The following TCF7L2 variants were observed in gnomAD, a reference collection of about 807,000 sequenced individuals.
The protein encoded by TCF7L2 is transcription factor 7-like 2.
Under a neutral mutation model 77.9 loss-of-function variants are expected in TCF7L2, and 23 were observed. That is an observed-to-expected ratio of 0.30 (90% CI 0.21 to 0.42). TCF7L2 has a LOEUF of 0.42. TCF7L2 is among the 10% of genes least tolerant of loss of function. The pLI, the probability that TCF7L2 is intolerant of heterozygous loss-of-function variation, is 1.00. For missense variants in TCF7L2, 654 were observed against 793.1 expected, an observed-to-expected ratio of 0.82 and a Z score of 2.11; for synonymous variants, 413 against 340.2, an observed-to-expected ratio of 1.21 and a Z score of -2.36.
At chr10:112,957,793 G>A (rs1179516295) in intron 3 of TCF7L2, among the ~76,000 whole-genome samples, 1 of 152,142 alleles carries the variant, frequency 6.6e-6, no homozygotes, top group African/African-American at 2.4e-5. Context: ...TATCTGTGGT[G>A]GAGACTGGAG....
chr10:112,990,073 G>A (rs1469900028), intron 4 of TCF7L2, among the ~76,000 whole-genome samples: 2 of 152,044 alleles, frequency 1.3e-5, no homozygotes, highest in Admixed American at 6.6e-5. Context: ...CTGGTAGTAC[G>A]TTTCCCATTA....
At chr10:113,107,876 C>A (rs1258512091) in intron 5 of TCF7L2, among the ~76,000 whole-genome samples, 3 of 151,192 alleles carry the variant, frequency 2.0e-5, no homozygotes, top group Non-Finnish European at 2.9e-5. Context: ...ATTGGTCAAG[C>A]GTTGCTGGCA....
intron 4 of TCF7L2, among the ~76,000 whole-genome samples, chr10:113,033,384 A>C (rs983480038): frequency 6.6e-6 from 1 of 151,112 alleles, no homozygotes; most frequent in African/African-American, 2.4e-5. Flanking sequence ...TCAGCCTCCC[A>C]AGTAGCTGGG....
In TCF7L2 at chr10:113,097,646, GAAAAAAAAAAAAAA is replaced by G. The variant is rs869133669; in HGVS notation, c.553-43523_553-43510del. ...GTGACAGAGTAAGACTCTTGTCTCG[GAAAAAAAAAAAAAA>G]AAAAAAAAAAAAAACAACCATGAGA... On this transcript the variant is annotated intron_variant, in intron 5 of 13. Coordinates refer to ENST00000627217, the MANE Select transcript of TCF7L2 (RefSeq NM_001146274.2). Among the ~76,000 whole-genome samples the G allele has an allele frequency of 2.7e-4, 10 of 36,742 alleles. No homozygotes were observed. The South Asian group carries it at 5.3e-3, about 19-fold the overall frequency. The allele number at this position is 36,742 out of a possible 152,430, so 24.1% of individuals were successfully genotyped here.
At chr10:112,953,604 T>C (rs1464939980) in intron 3 of TCF7L2, among the ~76,000 whole-genome samples, 2 of 152,224 alleles carry the variant, frequency 1.3e-5, no homozygotes, top group Non-Finnish European at 2.9e-5. Flanking sequence ...GATGGCGGGC[T>C]TGCTAGCTTT....
intron 5 of TCF7L2, among the ~76,000 whole-genome samples, chr10:113,123,705 T>G (rs1291355937): frequency 6.6e-6 from 1 of 152,208 alleles, no homozygotes; most frequent in Non-Finnish European, 1.5e-5. Flanking sequence ...AATAATAATT[T>G]GACACAAGTC....
intron 5 of TCF7L2, among the ~76,000 whole-genome samples, chr10:113,042,602 G>A (rs776133620): frequency 1.7e-4 from 26 of 152,222 alleles, no homozygotes; most frequent in Admixed American, 9.8e-4. Flanking sequence ...CCTGACACCA[G>A]GGGTGAGAAG....
chr10:113,107,770 A>AAAAAAAC, intron 5 of TCF7L2, among the ~76,000 whole-genome samples: 1 of 151,104 alleles, frequency 6.6e-6, no homozygotes, highest in Non-Finnish European at 1.5e-5. Context: ...AAAAAAAAAA[A>AAAAAAAC]AAAAAACAAC....
intron 5 of TCF7L2, among the ~76,000 whole-genome samples, chr10:113,067,722 G>C (rs1176469085): frequency 6.6e-6 from 1 of 152,152 alleles, no homozygotes; most frequent in Non-Finnish European, 1.5e-5. Context: ...AACTTGCCAT[G>C]TGACCTTGAG....
At chr10:112,987,970 G>T (rs1334161723) in intron 4 of TCF7L2, 1 of 147,610 alleles carries the variant, frequency 6.8e-6, no homozygotes, top group East Asian at 2.0e-4. Context: ...ACTTATTTAG[G>T]ATCTGTAATG....
intron 6 of TCF7L2, among the ~76,000 whole-genome samples, chr10:113,143,267 A>G (rs1317868174): frequency 6.6e-6 from 1 of 152,242 alleles, no homozygotes; most frequent in Non-Finnish European, 1.5e-5. Context: ...ATCCCCACAG[A>G]CGACTCTGTC....
At chr10:113,027,966 C>T (rs1337615055) in intron 4 of TCF7L2, among the ~76,000 whole-genome samples, 3 of 152,190 alleles carry the variant, frequency 2.0e-5, no homozygotes, top group South Asian at 2.1e-4. Context: ...AGACGAGAAG[C>T]GTGTGGGCAA....
At chr10:113,118,187 A>G (rs2136228137) in intron 5 of TCF7L2, among the ~76,000 whole-genome samples, 1 of 151,678 alleles carries the variant, frequency 6.6e-6, no homozygotes, top group Admixed American at 6.6e-5. Context: ...TATTTGTTTG[A>G]TTTTGGAGAG....
chr10:113,088,955 A>G (rs988924351), intron 5 of TCF7L2, among the ~76,000 whole-genome samples: 3 of 151,890 alleles, frequency 2.0e-5, no homozygotes, highest in Non-Finnish European at 4.4e-5. Context: ...AAAAAAAAAA[A>G]GATCAGCTCC....
At chr10:112,980,719 C>G (rs2040319502) in intron 4 of TCF7L2, among the ~76,000 whole-genome samples, 1 of 152,100 alleles carries the variant, frequency 6.6e-6, no homozygotes, top group South Asian at 2.1e-4. Flanking sequence ...GCTCCGCCTC[C>G]CGGGTTCATG....
intron 4 of TCF7L2, among the ~76,000 whole-genome samples, chr10:112,998,314 T>C (rs2043871365): frequency 6.6e-6 from 1 of 152,172 alleles, no homozygotes; most frequent in Non-Finnish European, 1.5e-5. Flanking sequence ...TTTCTTTAAT[T>C]GTAAATTGAA....
rs3830991 is a variant in TCF7L2, at chr10:113,144,100, CTGTG to C, written c.788+109_788+112del. 0.25 allele frequency: 158,590 copies of C among 643,452 alleles called. 8,796 individuals are homozygous for C. Among genetic ancestry groups the C allele is most frequent in the East Asian group, 0.43 (12,590 of 29,204 alleles). 39.9% of individuals were successfully genotyped at this position (643,452 alleles called of 1,614,324 possible). Reference sequence around the variant, plus strand: ...TTTATTATTTATTCTGTGTGTGTGTCTGTGTGTGTGTGTGTGTGTGTGTGTGTGT... The same window carrying C: ...TTTATTATTTATTCTGTGTGTGTGTCTGTGTGTGTGTGTGTGTGTGTGTGT... On this transcript the variant is annotated intron_variant, in intron 7 of 13. Coordinates refer to ENST00000627217, the MANE Select transcript of TCF7L2 (RefSeq NM_001146274.2).
At chr10:113,124,607 T>C (rs2065288128) in intron 5 of TCF7L2, among the ~76,000 whole-genome samples, 1 of 152,156 alleles carries the variant, frequency 6.6e-6, no homozygotes, top group Admixed American at 6.5e-5. Flanking sequence ...GTGATATAAC[T>C]CTGCAGGACA....
intron 4 of TCF7L2, 137 bp from the exon 5 acceptor site, chr10:113,039,887 TA>T: frequency 4.2e-6 from 3 of 719,274 alleles, no homozygotes; most frequent in Non-Finnish European, 6.8e-6. Context: ...CATGCTTTTT[TA>T]TTTTTTTAAT....
Sources: allele counts gnomAD v4.1 joint callset (sites outside exome capture counted in the v4.1 genomes callset), GRCh38; gene constraint gnomAD v4.1.1; transcripts MANE v1.5; gene names NCBI Gene and HGNC (gene_info 2026-07-23, HGNC 2026-07-21).